Variants in CCL14 observed in about 807,000 individuals in gnomAD.
CCL14 encodes the protein C-C motif chemokine 14.
CCL14 carries 8 observed loss-of-function variants against 8.2 expected under a neutral mutation model. The ratio of observed to expected loss-of-function variants is 0.98; its 90% CI spans 0.57 to 1.76. The LOEUF is 1.76. Among genes scored for constraint, CCL14 ranks in the 40% most tolerant of loss-of-function variants. CCL14 has a pLI of 0.00. For missense variants in CCL14, 127 were observed against 118.3 expected, an observed-to-expected ratio of 1.07 and a Z score of -0.34; for synonymous variants, 50 against 43.2, an observed-to-expected ratio of 1.16 and a Z score of -0.62.
chr17:35,984,473 G>A (rs368560391), intron 1 of CCL14, 21 bp from the exon 2 acceptor site: 33 of 1,544,860 alleles, frequency 2.1e-5, no homozygotes, highest in Non-Finnish European at 2.8e-5. Context: ...AGCATCAGAT[G>A]CTGAGGAGGG....
intron 1 of CCL14, chr17:35,985,522 A>G (rs149683495): frequency 2.1e-4 from 120 of 571,790 alleles, no homozygotes; most frequent in African/African-American, 2.0e-3. Context: ...AGAATCATGG[A>G]TGTGCATCAC....
chr17:35,984,264 A>G, intron 2 of CCL14, 74 bp downstream of exon 2: 1 of 1,120,488 alleles, frequency 8.9e-7, no homozygotes, highest in South Asian at 1.2e-5. Context: ...CCATTCCACC[A>G]CCACTCCCTG....
At position 35,983,784 on chromosome 17, in the gene CCL14, C is replaced by T; in HGVS notation, c.*17G>A. On this transcript the variant is annotated 3_prime_UTR_variant, in exon 3 of 3. Coordinates refer to ENST00000618404, the MANE Select transcript of CCL14 (RefSeq NM_032963.4). ...TTATGTCTCTGAGCTGTGCCTTCGC[C>T]ACCCCTTCTGGGTCACTCAGTTCTC... 6.3e-7 allele frequency: 1 copy of T among 1,585,482 alleles called. No individual in the cohort carries two copies. Among genetic ancestry groups the T allele is most frequent in the Non-Finnish European group, 8.7e-7 (1 of 1,154,004 alleles).
intron 1 of CCL14, chr17:35,985,215 A>C (rs1020979835): frequency 6.4e-6 from 1 of 155,802 alleles, no homozygotes; most frequent in African/African-American, 2.4e-5. Flanking sequence ...TACCCTACTC[A>C]ACCCATTTTT....
chr17:35,985,311 G>A (rs2089746814), intron 1 of CCL14: 2 of 174,850 alleles, frequency 1.1e-5, no homozygotes, highest in Non-Finnish European at 2.4e-5. Context: ...TCACTGGATT[G>A]GGTGATTTTT....
intron 1 of CCL14, 59 bp downstream of exon 1, chr17:35,986,512 A>T (rs1229448281): frequency 7.2e-7 from 1 of 1,394,174 alleles, no homozygotes; most frequent in Non-Finnish European, 1.0e-6. Context: ...CCCCAACCTC[A>T]CTCCTGCTTA....
intron 1 of CCL14, chr17:35,985,480 A>G: frequency 2.0e-6 from 1 of 488,666 alleles, no homozygotes; most frequent in Non-Finnish European, 3.6e-6. Flanking sequence ...TGGAGAAATC[A>G]GGTGTGTGCA....
chr17:35,986,547 A>G, intron 1 of CCL14, 24 bp downstream of exon 1: 1 of 1,589,896 alleles, frequency 6.3e-7, no homozygotes, highest in Non-Finnish European at 8.6e-7. Flanking sequence ...CTAGGTTGGA[A>G]GGAAGACAAG....
chr17:35,984,619 G>T (rs1041380821), intron 1 of CCL14, 167 bp from the exon 2 acceptor site: 2 of 611,114 alleles, frequency 3.3e-6, no homozygotes, highest in Admixed American at 5.6e-5. Flanking sequence ...CTTCTCCATG[G>T]TACTCCTGGG....
At chr17:35,986,170 T>TTGA in intron 1 of CCL14, 1 of 356,838 alleles carries the variant, frequency 2.8e-6, no homozygotes, top group South Asian at 5.4e-5. Flanking sequence ...AAGGGGGGAC[T>TTGA]GGTCCTGGGG....
intron 1 of CCL14, chr17:35,986,298 A>G (rs2089767911): frequency 2.2e-6 from 1 of 462,742 alleles, no homozygotes; most frequent in Admixed American, 3.6e-5. Flanking sequence ...GTCAAGTCTC[A>G]TTGGTCAAGG....
In CCL14 at chr17:35,983,640, A is replaced by G. The variant is rs1161990181; in HGVS notation, c.*161T>C. Reference sequence around the variant, plus strand: ...ATGGCCAATGAGTAAATCCCGTAGAAAGGAATGAGGCCAGGGAAGAGCATG... The same window carrying G: ...ATGGCCAATGAGTAAATCCCGTAGAGAGGAATGAGGCCAGGGAAGAGCATG... On this transcript the variant is annotated 3_prime_UTR_variant, in exon 3 of 3. Coordinates refer to ENST00000618404, the MANE Select transcript of CCL14 (RefSeq NM_032963.4). 1.6e-6 allele frequency: 1 copy of G among 616,318 alleles called. No homozygotes were observed. The highest frequency in any genetic ancestry group is 1.8e-5 in the African/African-American group (1 of 54,740). 38.2% of individuals were successfully genotyped at this position (616,318 alleles called of 1,614,324 possible).
chr17:35,985,648 CCT>C (rs1285666773), intron 1 of CCL14: 2 of 1,034,110 alleles, frequency 1.9e-6, no homozygotes, highest in African/African-American at 1.6e-5. Flanking sequence ...ATAAGGGGCC[CCT>C]GTTTCCTGAG....
At chr17:35,986,090 C>T (rs1377502147) in intron 1 of CCL14, 3 of 455,794 alleles carry the variant, frequency 6.6e-6, no homozygotes, top group Non-Finnish European at 1.2e-5. Context: ...CACTCTTTTG[C>T]TTAGCGGCAA....
chr17:35,984,493 T>C, intron 1 of CCL14, 41 bp from the exon 2 acceptor site: 2 of 1,299,188 alleles, frequency 1.5e-6, no homozygotes, highest in East Asian at 2.3e-5. Flanking sequence ...GGCCCCTTGT[T>C]AAAGGCCATA....
At position 35,983,642 on chromosome 17, in the gene CCL14, G is replaced by A. The variant is rs1413553705; in HGVS notation, c.*159C>T. The A allele has an allele frequency of 3.2e-6, 2 of 620,190 alleles. No individual in the cohort carries two copies. The highest frequency in any genetic ancestry group is 2.6e-5 in the Admixed American group (1 of 38,142). The allele number at this position is 620,190 out of a possible 1,614,324, so 38.4% of individuals were successfully genotyped here. On this transcript the variant is annotated 3_prime_UTR_variant, in exon 3 of 3. Coordinates refer to ENST00000618404, the MANE Select transcript of CCL14 (RefSeq NM_032963.4). ...GGCCAATGAGTAAATCCCGTAGAAAGGAATGAGGCCAGGGAAGAGCATGAG... is the reference window on the plus strand; with the variant it reads ...GGCCAATGAGTAAATCCCGTAGAAAAGAATGAGGCCAGGGAAGAGCATGAG...
Position 35,986,569 on chromosome 17 carries a change from A to G in CCL14, c.79+2T>C. Reference sequence around the variant, plus strand: ...GGAAGGAAGACAAGGCATTGCACTCACGTGAGGAGGATTCAGTCTTGGTCC... The same window carrying G: ...GGAAGGAAGACAAGGCATTGCACTCGCGTGAGGAGGATTCAGTCTTGGTCC... On this transcript the variant is annotated splice_donor_variant, in intron 1 of 2. Transcript: ENST00000618404. LOFTEE classifies it high-confidence loss of function. 1 of 1,612,124 alleles carries G rather than the reference A, an allele frequency of 6.2e-7. No homozygotes were observed. Among genetic ancestry groups the G allele is most frequent in the Non-Finnish European group, 8.5e-7 (1 of 1,178,256 alleles).
At position 35,984,429 on chromosome 17, in the gene CCL14, A is replaced by G; in HGVS notation, c.103T>C (p.Cys35Arg). Residue 35 changes from cysteine (C) to arginine (R), a missense_variant, in exon 2 of 3, where the codon TGC becomes CGC. By Grantham distance (180) the Cys-to-Arg change is radical. Coordinates refer to ENST00000618404, the MANE Select transcript of CCL14 (RefSeq NM_032963.4). ...SSRGPYHPSE[C>R]CFTYTTYKIP... ...TTGTAGGTAGTGTAGGTGAAGCAGC[A>G]CTCTGAGGGGTGGTAAGGTCCCCCT... 6.2e-7 allele frequency: 1 copy of G among 1,612,472 alleles called. No individual in the cohort carries two copies. The highest frequency in any genetic ancestry group is 8.5e-7 in the Non-Finnish European group (1 of 1,179,584).
intron 1 of CCL14, chr17:35,985,899 G>T: frequency 1.1e-6 from 1 of 912,990 alleles, no homozygotes; most frequent in African/African-American, 1.6e-5. Flanking sequence ...GCCTAGGATG[G>T]ACCCCACACT....
Sources: gnomAD v4.1 joint callset for allele counts on GRCh38, gnomAD v4.1.1 for gene constraint, MANE v1.5 for transcripts, NCBI Gene and HGNC (gene_info 2026-07-23, HGNC 2026-07-21) for gene names.